Variants in ERBB4 observed in about 807,000 individuals in gnomAD.
ERBB4 encodes erb-b2 receptor tyrosine kinase 4.
ERBB4 carries 42 observed loss-of-function variants against 158.0 expected under a neutral mutation model. That is an observed-to-expected ratio of 0.27 (90% confidence interval 0.21 to 0.34). The LOEUF is 0.34. Among genes scored for constraint, ERBB4 ranks in the 10% least tolerant of loss-of-function variants. The pLI, the probability that ERBB4 is intolerant of heterozygous loss-of-function variation, is 1.00. For missense variants in ERBB4, 1,333 were observed against 1,624.1 expected, an observed-to-expected ratio of 0.82 and a Z score of 3.08; for synonymous variants, 583 against 558.7, an observed-to-expected ratio of 1.04 and a Z score of -0.61.
chr2:212,069,522 T>A (rs2139940), intron 2 of ERBB4, among the ~76,000 whole-genome samples: 92,247 of 151,772 alleles, frequency 0.61, 31,907 homozygotes, highest in East Asian at 0.92. Flanking sequence ...ATACGTTTAC[T>A]CCTTCTGCTT....
At chr2:211,574,241 T>G (rs879461906) in intron 19 of ERBB4, among the ~76,000 whole-genome samples, 2 of 152,222 alleles carry the variant, frequency 1.3e-5, no homozygotes, top group Admixed American at 1.3e-4. Flanking sequence ...ACAGTTTTGC[T>G]GTCAGCACTT....
At chr2:212,320,466 A>T (rs530432169) in intron 1 of ERBB4, among the ~76,000 whole-genome samples, 1 of 148,618 alleles carries the variant, frequency 6.7e-6, no homozygotes, top group African/African-American at 2.4e-5. Flanking sequence ...AACATTAACT[A>T]TAGATTTTCT....
At position 212,144,251 on chromosome 2, in the gene ERBB4, T is replaced by C. The variant is rs190124879; in HGVS notation, c.83-19348A>G. Among the ~76,000 whole-genome samples, 7 of 152,300 alleles carry C rather than the reference T, an allele frequency of 4.6e-5. No individual in the cohort carries two copies. In the East Asian group the frequency reaches 9.7e-4, roughly 21 times the overall value. On this transcript the variant is annotated intron_variant, in intron 1 of 27. Coordinates refer to ENST00000342788, the MANE Select transcript of ERBB4 (RefSeq NM_005235.3). ...ATACACGTATGACCCTCTTTGGCAA[T>C]TGTGTTAAATATTACTAATTCTTCA... is the stretch of plus-strand genomic sequence containing the variant.
chr2:212,216,613 G>A (rs2083107308), intron 1 of ERBB4, among the ~76,000 whole-genome samples: 2 of 151,132 alleles, frequency 1.3e-5, no homozygotes, highest in Admixed American at 6.6e-5. Flanking sequence ...TTAAGTAATT[G>A]AATATACACA....
intron 4 of ERBB4, among the ~76,000 whole-genome samples, chr2:211,755,823 C>A (rs149773522): frequency 6.3e-4 from 96 of 152,282 alleles, no homozygotes; most frequent in Middle Eastern, 3.4e-3. Context: ...ATGCTTTCTG[C>A]AAGTAATATG....
At chr2:212,081,917 G>T (rs895674537) in intron 2 of ERBB4, among the ~76,000 whole-genome samples, 1 of 152,096 alleles carries the variant, frequency 6.6e-6, no homozygotes, top group Admixed American at 6.6e-5. Flanking sequence ...TTCAGCCTTT[G>T]TTAGACTTAC....
chr2:212,282,280 G>T (rs2106152377), intron 1 of ERBB4, among the ~76,000 whole-genome samples: 1 of 151,942 alleles, frequency 6.6e-6, no homozygotes, highest in East Asian at 1.9e-4. Context: ...TAAAATAATT[G>T]TAAACTTGGT....
At chr2:211,523,881 G>A (rs375236298) in intron 20 of ERBB4, among the ~76,000 whole-genome samples, 4 of 151,988 alleles carry the variant, frequency 2.6e-5, no homozygotes, top group Non-Finnish European at 5.9e-5. Flanking sequence ...TGGTAGAGCC[G>A]AGTGGTCTGT....
At chr2:211,646,504 A>C (rs1057448882) in intron 16 of ERBB4, among the ~76,000 whole-genome samples, 1 of 151,568 alleles carries the variant, frequency 6.6e-6, no homozygotes, top group African/African-American at 2.4e-5. Flanking sequence ...AAGCCAAAGA[A>C]ATTTTATTTG....
intron 2 of ERBB4, among the ~76,000 whole-genome samples, chr2:211,975,828 A>T (rs1350730067): frequency 6.6e-6 from 1 of 152,180 alleles, no homozygotes; most frequent in Non-Finnish European, 1.5e-5. Flanking sequence ...AAAAAAAGCC[A>T]GTGTTTGGGA....
At chr2:211,875,238 T>C (rs960371276) in intron 3 of ERBB4, among the ~76,000 whole-genome samples, 1 of 152,014 alleles carries the variant, frequency 6.6e-6, no homozygotes, top group African/African-American at 2.4e-5. Context: ...ATAGTCAAAA[T>C]AGCCAAACTA....
intron 3 of ERBB4, among the ~76,000 whole-genome samples, chr2:211,928,166 T>C (rs1168940956): frequency 2.0e-5 from 3 of 152,218 alleles, no homozygotes; most frequent in Non-Finnish European, 2.9e-5. Context: ...AGGGCACTGA[T>C]GATTTGTTAA....
At chr2:212,463,441 C>T (rs963249851) in intron 1 of ERBB4, among the ~76,000 whole-genome samples, 11 of 151,950 alleles carry the variant, frequency 7.2e-5, no homozygotes, top group Non-Finnish European at 1.5e-4. Context: ...TAAGATATAT[C>T]TATCTACCAT....
intron 3 of ERBB4, among the ~76,000 whole-genome samples, chr2:211,934,748 C>T (rs148016590): frequency 0.035 from 5,333 of 151,942 alleles, 127 homozygotes; most frequent in Middle Eastern, 0.089. Context: ...TTTCAATCCA[C>T]TCTGTTATTA....
intron 20 of ERBB4, among the ~76,000 whole-genome samples, chr2:211,481,250 G>GA (rs920817376): frequency 4.6e-5 from 7 of 151,680 alleles, no homozygotes; most frequent in Non-Finnish European, 8.8e-5. Flanking sequence ...ATGAAGAGAT[G>GA]AAAAAAAACT....
At chr2:212,358,708 C>A (rs1272143408) in intron 1 of ERBB4, among the ~76,000 whole-genome samples, 1 of 151,586 alleles carries the variant, frequency 6.6e-6, no homozygotes, top group Admixed American at 6.6e-5. Context: ...TATCTAACAT[C>A]ACAAAGGCTA....
chr2:212,332,412 A>C (rs1384395505), intron 1 of ERBB4, among the ~76,000 whole-genome samples: 2 of 152,102 alleles, frequency 1.3e-5, no homozygotes, highest in South Asian at 2.1e-4. Context: ...AGCAGCATGA[A>C]AACAGACCAA....
chr2:211,414,490 C>T (rs1187991608), intron 25 of ERBB4, among the ~76,000 whole-genome samples: 2 of 83,376 alleles, frequency 2.4e-5, no homozygotes, highest in African/African-American at 4.9e-5. Context: ...AGCCAAGACA[C>T]AGTCTCAATT....
chr2:211,538,146 T>C (rs1168946294), intron 20 of ERBB4, among the ~76,000 whole-genome samples: 1 of 151,874 alleles, frequency 6.6e-6, no homozygotes, highest in African/African-American at 2.4e-5. Context: ...CATAATCAGA[T>C]CATAGAATCT....
Sources: gnomAD v4.1 joint callset for allele counts (sites outside exome capture counted in the v4.1 genomes callset) on GRCh38, gnomAD v4.1.1 for gene constraint, MANE v1.5 for transcripts, NCBI Gene and HGNC (gene_info 2026-07-23, HGNC 2026-07-21) for gene names.